Variants in PCDH15 observed in about 807,000 individuals in gnomAD.
The protein encoded by PCDH15 is protocadherin-15.
PCDH15 carries 129 observed loss-of-function variants against 178.5 expected under a neutral mutation model. The observed-to-expected ratio is 0.72, with a 90% confidence interval of 0.63 to 0.84. The LOEUF (loss-of-function observed/expected upper bound fraction) is 0.84. Among genes scored for constraint, PCDH15 ranks in the 40% least tolerant of loss-of-function variants. PCDH15 has a pLI of 0.00. For synonymous variants in PCDH15, 800 were observed against 732.0 expected (o/e 1.09, Z -1.50); for missense variants, 2,230 against 2,099.9 (o/e 1.06, Z -1.21).
intron 2 of PCDH15, among the ~76,000 whole-genome samples, chr10:54,925,964 G>C (rs1276140311): frequency 6.6e-6 from 1 of 152,046 alleles, no homozygotes; most frequent in East Asian, 1.9e-4. Context: ...ATTTGGTCTT[G>C]CCAGTACTTC....
intron 8 of PCDH15, among the ~76,000 whole-genome samples, chr10:54,313,439 CA>C (rs1414748415): frequency 6.6e-6 from 1 of 151,858 alleles, no homozygotes; most frequent in East Asian, 1.9e-4. Flanking sequence ...GCATTCTGAC[CA>C]AAAATTTGCC....
At chr10:54,085,768 C>A (rs575424464) in intron 16 of PCDH15, among the ~76,000 whole-genome samples, 30 of 151,996 alleles carry the variant, frequency 2.0e-4, no homozygotes, top group Admixed American at 1.3e-3. Context: ...TTTGTAAAAC[C>A]CTACTGACAT....
At chr10:54,064,372 C>T (rs1163477832) in intron 18 of PCDH15, among the ~76,000 whole-genome samples, 3 of 152,106 alleles carry the variant, frequency 2.0e-5, no homozygotes, top group Non-Finnish European at 4.4e-5. Flanking sequence ...TGGGCAGGCC[C>T]GGTAAAAGCA....
At chr10:54,158,665 T>C (rs1229402502) in intron 13 of PCDH15, among the ~76,000 whole-genome samples, 1 of 152,196 alleles carries the variant, frequency 6.6e-6, no homozygotes, top group African/African-American at 2.4e-5. Context: ...GATGATTGAA[T>C]TGTGCATAAG....
At chr10:53,926,038 C>T (rs1371935747) in intron 25 of PCDH15, among the ~76,000 whole-genome samples, 1 of 152,164 alleles carries the variant, frequency 6.6e-6, no homozygotes, top group Admixed American at 6.5e-5. Flanking sequence ...TCATGTCACC[C>T]AAGATCAAAA....
intron 7 of PCDH15, among the ~76,000 whole-genome samples, chr10:54,327,769 T>C (rs917085411): frequency 6.6e-6 from 1 of 152,032 alleles, no homozygotes; most frequent in Admixed American, 6.6e-5. Context: ...ATTACAACGC[T>C]TAGGAGTCAT....
At chr10:54,259,162 G>C (rs928637584) in intron 8 of PCDH15, among the ~76,000 whole-genome samples, 2 of 152,152 alleles carry the variant, frequency 1.3e-5, no homozygotes, top group Non-Finnish European at 2.9e-5. Context: ...TTCACTTTTA[G>C]AAAGTAATAA....
At chr10:54,797,084 C>T (rs1425512304) in intron 1 of PCDH15, among the ~76,000 whole-genome samples, 1 of 151,968 alleles carries the variant, frequency 6.6e-6, no homozygotes, top group African/African-American at 2.4e-5. Context: ...GCTGTCCTCC[C>T]CCGGTCAGGA....
At chr10:54,216,435 C>T (rs1226123164) in intron 9 of PCDH15, among the ~76,000 whole-genome samples, 1 of 152,030 alleles carries the variant, frequency 6.6e-6, no homozygotes, top group Non-Finnish European at 1.5e-5. Context: ...CCAGCCTGTG[C>T]GACAGAGCCA....
At chr10:54,514,267 T>G (rs1339377454) in intron 3 of PCDH15, among the ~76,000 whole-genome samples, 1 of 152,274 alleles carries the variant, frequency 6.6e-6, no homozygotes, top group South Asian at 2.1e-4. Flanking sequence ...AATCTCTGAT[T>G]CCTTCTAAAG....
At chr10:54,313,218 C>G (rs2061016357) in intron 8 of PCDH15, among the ~76,000 whole-genome samples, 2 of 152,066 alleles carry the variant, frequency 1.3e-5, no homozygotes, top group South Asian at 4.1e-4. Flanking sequence ...TGCCCAAACA[C>G]TACTTTACAA....
intron 3 of PCDH15, among the ~76,000 whole-genome samples, chr10:54,459,661 A>T (rs1229965790): frequency 2.0e-5 from 3 of 152,162 alleles, no homozygotes; most frequent in Admixed American, 6.6e-5. Flanking sequence ...AAAAATAAAT[A>T]TTGAAAACAT....
At chr10:55,458,537 C>G (rs959942487) in intron 2 of PCDH15, among the ~76,000 whole-genome samples, 1 of 151,980 alleles carries the variant, frequency 6.6e-6, no homozygotes, top group African/African-American at 2.4e-5. Flanking sequence ...CCTAAGCAAC[C>G]TTGTCTCCAT....
chr10:54,216,153 G>A (rs192424286), intron 9 of PCDH15, among the ~76,000 whole-genome samples: 43 of 147,706 alleles, frequency 2.9e-4, no homozygotes, highest in Non-Finnish European at 5.1e-4. Flanking sequence ...GGCCAGTGAG[G>A]GATTTAAAAA....
chr10:53,869,222 T>C (rs1322456562), intron 26 of PCDH15, among the ~76,000 whole-genome samples: 1 of 152,172 alleles, frequency 6.6e-6, no homozygotes, highest in East Asian at 1.9e-4. Context: ...TAGTAATTAG[T>C]TATCAATGTT....
chr10:54,290,715 T>A (rs76610156), intron 8 of PCDH15, among the ~76,000 whole-genome samples: 9 of 151,950 alleles, frequency 5.9e-5, no homozygotes, highest in East Asian at 1.9e-4. Context: ...ACCAAACAAA[T>A]GGAAAGCTAA....
chr10:55,096,019 T>A (rs1466821319), intron 2 of PCDH15, among the ~76,000 whole-genome samples: 1 of 152,098 alleles, frequency 6.6e-6, no homozygotes, highest in African/African-American at 2.4e-5. Flanking sequence ...AAAATCAATG[T>A]GTGTTGGGCC....
In PCDH15 at chr10:54,030,867, T is replaced by C. The variant is rs562987345; in HGVS notation, c.2221-7670A>G. Among the ~76,000 whole-genome samples the C allele has an allele frequency of 2.6e-4, 40 of 152,048 alleles. No individual in the cohort carries two copies. In the Middle Eastern group the frequency reaches 0.01, roughly 39 times the overall value. The stretch of plus-strand genomic sequence containing the variant: ...TCAAGTGTCAGTGGTTTGTTACCAC[T>C]GATGTTTCTTTCTCGCCTATACAGC... On this transcript the variant is annotated intron_variant, in intron 18 of 37. Coordinates refer to ENST00000644397, the MANE Select transcript of PCDH15 (RefSeq NM_001384140.1).
chr10:55,449,973 T>C (rs766031028), intron 2 of PCDH15, among the ~76,000 whole-genome samples: 4 of 152,152 alleles, frequency 2.6e-5, no homozygotes, highest in African/African-American at 4.8e-5. Flanking sequence ...TTCTGAGGAC[T>C]CTGGGAACAT....
Sources: gnomAD v4.1 joint callset for allele counts (sites outside exome capture counted in the v4.1 genomes callset) on GRCh38, gnomAD v4.1.1 for gene constraint, MANE v1.5 for transcripts, NCBI Gene and HGNC (gene_info 2026-07-23, HGNC 2026-07-21) for gene names.